MYRIP: variants seen among roughly 807,000 people sequenced by gnomAD.
The protein encoded by MYRIP is rab effector MyRIP.
Under a neutral mutation model 98.0 loss-of-function variants are expected in MYRIP, and 49 were observed. That is an observed-to-expected ratio of 0.50 (90% CI 0.40 to 0.63). MYRIP has a LOEUF of 0.63. Among genes scored for constraint, MYRIP ranks in the 30% least tolerant of loss-of-function variants. The pLI is 0.00. For missense variants in MYRIP, 1,004 were observed against 1,058.2 expected (o/e 0.95, Z 0.71); for synonymous variants, 404 against 409.5 (o/e 0.99, Z 0.16).
At chr3:40,178,309 C>G (rs1575599950) in intron 8 of MYRIP, among the ~76,000 whole-genome samples, 1 of 152,200 alleles carries the variant, frequency 6.6e-6, no homozygotes, top group African/African-American at 2.4e-5. Flanking sequence ...GCAAAGAATG[C>G]TGTAACAAAA....
intron 3 of MYRIP, among the ~76,000 whole-genome samples, chr3:40,050,935 A>G (rs1050130952): frequency 2.0e-5 from 3 of 152,200 alleles, no homozygotes; most frequent in African/African-American, 7.2e-5. Flanking sequence ...AATTGCTGCA[A>G]TCTCATGAGA....
At chr3:40,094,475 C>T (rs1321693383) in intron 3 of MYRIP, among the ~76,000 whole-genome samples, 1 of 152,206 alleles carries the variant, frequency 6.6e-6, no homozygotes, top group Non-Finnish European at 1.5e-5. Context: ...GTCCACCTCC[C>T]CTGCTTTGCA....
intron 2 of MYRIP, among the ~76,000 whole-genome samples, chr3:39,935,338 A>G (rs143506420): frequency 1.3e-5 from 2 of 152,314 alleles, no homozygotes; most frequent in Non-Finnish European, 2.9e-5. Flanking sequence ...GGTTCTGTAA[A>G]TATGACAGTT....
chr3:40,121,640 G>A (rs2371134), intron 3 of MYRIP, among the ~76,000 whole-genome samples: 114,034 of 151,780 alleles, frequency 0.75, 43,934 homozygotes, highest in Non-Finnish European at 0.83. Flanking sequence ...TCCACCAGGT[G>A]CCCCACTGGT....
At position 39,854,634 on chromosome 3, in the gene MYRIP, T is replaced by C. The variant is rs113356247; in HGVS notation, c.-31+44718T>C. Among the ~76,000 whole-genome samples the C allele has an allele frequency of 2.4e-3, 368 of 152,350 alleles. 1 individual carries two copies. Among genetic ancestry groups the C allele is most frequent in the African/African-American group, 8.4e-3 (350 of 41,584 alleles). On this transcript the variant is annotated intron_variant, in intron 1 of 16. Transcript: ENST00000302541. ...TAATAACCAACCTTCTGAATTCTTT[T>C]TCTGGCAATTCAGAGATTCCTTCTT...
intron 4 of MYRIP, among the ~76,000 whole-genome samples, chr3:40,153,171 G>A (rs1950155615): frequency 6.6e-6 from 1 of 152,102 alleles, no homozygotes; most frequent in South Asian, 2.1e-4. Context: ...ATGGGAATCA[G>A]TTGCTTTAAT....
At chr3:40,097,846 C>T (rs1410070631) in intron 3 of MYRIP, among the ~76,000 whole-genome samples, 1 of 152,152 alleles carries the variant, frequency 6.6e-6, no homozygotes, top group Non-Finnish European at 1.5e-5. Flanking sequence ...ACTTGTGATC[C>T]TCCACTGACA....
At chr3:40,167,099 G>A in intron 6 of MYRIP, 60 bp from the exon 7 acceptor site, 2 of 1,552,686 alleles carry the variant, frequency 1.3e-6, no homozygotes, top group South Asian at 1.1e-5. Context: ...TCCTGGCAAA[G>A]TGACTGCCAA....
intron 2 of MYRIP, among the ~76,000 whole-genome samples, chr3:39,902,900 A>C (rs1355296716): frequency 6.6e-6 from 1 of 152,210 alleles, no homozygotes; most frequent in Admixed American, 6.5e-5. Flanking sequence ...AGGTAGTCTT[A>C]GTGGACAGCA....
intron 3 of MYRIP, among the ~76,000 whole-genome samples, chr3:40,077,691 A>C (rs1948379182): frequency 6.6e-6 from 1 of 152,222 alleles, no homozygotes; most frequent in Non-Finnish European, 1.5e-5. Context: ...AAGGTTCTCC[A>C]AGGCCCCACC....
intron 1 of MYRIP, among the ~76,000 whole-genome samples, chr3:39,869,164 C>G (rs1251738433): frequency 2.6e-5 from 4 of 152,114 alleles, no homozygotes; most frequent in African/African-American, 9.7e-5. Flanking sequence ...TTTTTAAGAT[C>G]ACTTCTGTTT....
chr3:40,158,649 C>T (rs572742376), intron 4 of MYRIP, among the ~76,000 whole-genome samples: 35 of 152,240 alleles, frequency 2.3e-4, no homozygotes, highest in African/African-American at 8.4e-4. Flanking sequence ...TTGTAGGTCA[C>T]TCAGGACTTG....
intron 2 of MYRIP, among the ~76,000 whole-genome samples, chr3:39,918,108 A>T (rs1944209718): frequency 6.6e-6 from 1 of 152,058 alleles, no homozygotes; most frequent in Non-Finnish European, 1.5e-5. Flanking sequence ...TTGTATTTTT[A>T]GTAGAGACGG....
chr3:40,247,204 C>T (rs965822223), intron 13 of MYRIP, among the ~76,000 whole-genome samples: 3 of 152,032 alleles, frequency 2.0e-5, no homozygotes, highest in Non-Finnish European at 4.4e-5. Flanking sequence ...ATTATTGTAG[C>T]CATGTTTTAT....
In MYRIP at chr3:40,128,674, A is replaced by T. The variant is rs1305936782; in HGVS notation, c.333-22374A>T. ...TGCCATACAGGGACATTCTAAGAGA[A>T]TGCTTCAATTATTGCCATTGGGTAC... On this transcript the variant is annotated intron_variant, in intron 3 of 16. Coordinates refer to ENST00000302541, the MANE Select transcript of MYRIP (RefSeq NM_015460.4). Among the ~76,000 whole-genome samples, 3 of 152,336 alleles carry T rather than the reference A, an allele frequency of 2.0e-5. No individual in the cohort carries two copies. In the East Asian group the frequency reaches 5.8e-4, roughly 29 times the overall value.
intron 2 of MYRIP, among the ~76,000 whole-genome samples, chr3:39,917,114 A>G (rs1337436416): frequency 6.6e-6 from 1 of 152,138 alleles, no homozygotes; most frequent in Non-Finnish European, 1.5e-5. Context: ...ATCATATACT[A>G]TATTTTATCC....
chr3:39,902,758 A>ACAG (rs1943774215), intron 2 of MYRIP, among the ~76,000 whole-genome samples: 5 of 152,202 alleles, frequency 3.3e-5, no homozygotes, highest in African/African-American at 4.8e-5. Flanking sequence ...CCTTAGCTCC[A>ACAG]TTGCAGAGTC....
chr3:40,158,711 T>G (rs1475470218), intron 4 of MYRIP, among the ~76,000 whole-genome samples: 1 of 152,042 alleles, frequency 6.6e-6, no homozygotes, highest in African/African-American at 2.4e-5. Flanking sequence ...TTAGGATACT[T>G]AGCTCTTCTT....
chr3:40,224,671 A>G (rs1223784557), intron 11 of MYRIP, among the ~76,000 whole-genome samples: 1 of 152,210 alleles, frequency 6.6e-6, no homozygotes, highest in Non-Finnish European at 1.5e-5. Context: ...TTTAAAATTT[A>G]TTTTTTAGTC....
Sources: allele counts gnomAD v4.1 joint callset (sites outside exome capture counted in the v4.1 genomes callset), GRCh38; gene constraint gnomAD v4.1.1; transcripts MANE v1.5; gene names NCBI Gene and HGNC (gene_info 2026-07-23, HGNC 2026-07-21).